ATXN1: variants seen among roughly 807,000 people sequenced by gnomAD.
ATXN1 encodes ataxin 1.
ATXN1 carries 8 observed loss-of-function variants against 56.4 expected under a neutral mutation model. The ratio of observed to expected loss-of-function variants is 0.14; its 90% CI spans 0.08 to 0.26. ATXN1 has a LOEUF of 0.26. Ranked by LOEUF, ATXN1 falls within the 10% of genes least tolerant of loss-of-function variation. The pLI is 1.00. For synonymous variants in ATXN1, 514 were observed against 494.6 expected (o/e 1.04, Z -0.52); for missense variants, 987 against 1,106.5 (o/e 0.89, Z 1.53).
chr6:16,574,072 G>A (rs895074368), intron 4 of ATXN1, among the ~76,000 whole-genome samples: 15 of 152,200 alleles, frequency 9.9e-5, no homozygotes, highest in African/African-American at 3.6e-4. Context: ...TGTCACCCAG[G>A]CTGGAGTGCA....
In ATXN1 at chr6:16,328,134, C is replaced by A; in HGVS notation, c.177G>T (p.Arg59Ser). The A allele has an allele frequency of 1.3e-6, 2 of 1,582,714 alleles. No homozygotes were observed. The highest frequency in any genetic ancestry group is 1.2e-5 in the South Asian group (1 of 86,684). ...CCACCGAGGTCCCTGCCGGCCCATG[C>A]CTCCCGCCCCCGTGGCCCCGGCCAC... ...NPGGRGHGGGRHGPAGTSVEL... is the reference protein window; with the variant it reads ...NPGGRGHGGGSHGPAGTSVEL... Residue 59 changes from arginine to serine, a missense_variant, in exon 7 of 8, where the codon AGG (arginine) becomes AGT (serine). Arg to Ser is a moderately radical substitution (Grantham distance 110, BLOSUM62 -1). Around this residue, in one of 3 missense-constraint regions of ATXN1, gnomAD observed 723 missense variants for 791.7 expected, o/e 0.91. Coordinates refer to ENST00000436367, the MANE Select transcript of ATXN1 (RefSeq NM_001128164.2). The surrounding 1 kb of genome is among the most constrained non-coding windows in gnomAD (Gnocchi z 6.2).
chr6:16,465,051 T>TA (rs1760075608), intron 6 of ATXN1, among the ~76,000 whole-genome samples: 1 of 152,154 alleles, frequency 6.6e-6, no homozygotes. Context: ...AACTGTTCTA[T>TA]AAAAAAGCCT....
At chr6:16,341,614 G>C (rs1432279692) in intron 6 of ATXN1, among the ~76,000 whole-genome samples, 1 of 151,008 alleles carries the variant, frequency 6.6e-6, no homozygotes, top group Non-Finnish European at 1.5e-5. Flanking sequence ...CACCTCCCGG[G>C]TTCACACCAT....
chr6:16,440,640 T>TAAAA (rs558514541), intron 6 of ATXN1, among the ~76,000 whole-genome samples: 1 of 30,074 alleles, frequency 3.3e-5, no homozygotes, highest in African/African-American at 1.8e-4. Context: ...GACCCTGTCT[T>TAAAA]AAAAAAAAAA....
At chr6:16,524,652 G>A (rs1193844238) in intron 4 of ATXN1, among the ~76,000 whole-genome samples, 3 of 152,210 alleles carry the variant, frequency 2.0e-5, no homozygotes, top group African/African-American at 7.2e-5. Context: ...GTACACAGAA[G>A]AGACTGAATA....
rs1244455648 is a variant in ATXN1 at position 16,328,759 on chromosome 6, T to C, written c.-160-289A>G. Among the ~76,000 whole-genome samples, 1 of 151,792 alleles carries C rather than the reference T, an allele frequency of 6.6e-6. No homozygotes were observed. The highest frequency in any genetic ancestry group is 2.4e-5 in the African/African-American group (1 of 41,284). On this transcript the variant is annotated intron_variant, in intron 6 of 7. Transcript: ENST00000436367. This position sits in a 1 kb window ranked among gnomAD's most constrained non-coding sequence, Gnocchi z 6.2. ...CCCCGTCTCTACCAAAAATAAAAAATAAAAAACAAATTTAGCCTGGTGTAA... is the reference window on the plus strand; with the variant it reads ...CCCCGTCTCTACCAAAAATAAAAAACAAAAAACAAATTTAGCCTGGTGTAA...
intron 4 of ATXN1, among the ~76,000 whole-genome samples, chr6:16,540,411 C>T (rs1329403142): frequency 6.6e-6 from 1 of 152,082 alleles, no homozygotes; most frequent in Non-Finnish European, 1.5e-5. Flanking sequence ...CGGGTTTCAC[C>T]ATGTTGGCCA....
intron 2 of ATXN1, among the ~76,000 whole-genome samples, chr6:16,697,630 C>T (rs1259367850): frequency 1.9e-5 from 2 of 107,720 alleles, no homozygotes; most frequent in Non-Finnish European, 3.4e-5. Flanking sequence ...CATATAAAAA[C>T]AGCACTCTCA....
chr6:16,341,085 C>A (rs956354470), intron 6 of ATXN1, among the ~76,000 whole-genome samples: 6 of 152,240 alleles, frequency 3.9e-5, no homozygotes, highest in African/African-American at 1.2e-4. Context: ...TACTAGAAAT[C>A]TACCATAGAA....
chr6:16,492,206 T>C (rs1349186719), intron 5 of ATXN1, among the ~76,000 whole-genome samples: 1 of 150,662 alleles, frequency 6.6e-6, no homozygotes, highest in Non-Finnish European at 1.5e-5. Flanking sequence ...GGTATTGTTA[T>C]AGGTGGGAAT....
chr6:16,559,135 C>T (rs974465702), intron 4 of ATXN1, among the ~76,000 whole-genome samples: 12 of 152,102 alleles, frequency 7.9e-5, no homozygotes, highest in African/African-American at 2.9e-4. Flanking sequence ...TTAAAAACAT[C>T]GTCTGTGGAG....
intron 6 of ATXN1, among the ~76,000 whole-genome samples, chr6:16,358,843 G>A (rs1284608322): frequency 3.3e-5 from 5 of 152,228 alleles, no homozygotes. Flanking sequence ...TGCCTTCCCA[G>A]GTGCAGCTGC....
intron 2 of ATXN1, among the ~76,000 whole-genome samples, chr6:16,693,341 GA>G (rs922306179): frequency 6.6e-6 from 1 of 152,178 alleles, no homozygotes; most frequent in Non-Finnish European, 1.5e-5. Context: ...GTAAAAATGG[GA>G]TACCAGCGGC....
chr6:16,640,416 G>A (rs1199789864), intron 3 of ATXN1, among the ~76,000 whole-genome samples: 3 of 152,256 alleles, frequency 2.0e-5, no homozygotes, highest in Non-Finnish European at 4.4e-5. Context: ...AGGCACGGGG[G>A]CTCACGCCTG....
intron 3 of ATXN1, among the ~76,000 whole-genome samples, chr6:16,606,595 C>A (rs371590312): frequency 6.6e-6 from 1 of 151,714 alleles, no homozygotes. Context: ...GTGGTGCGAT[C>A]TCGGCTCACT....
At chr6:16,455,079 G>T (rs780631368) in intron 6 of ATXN1, among the ~76,000 whole-genome samples, 4 of 152,170 alleles carry the variant, frequency 2.6e-5, no homozygotes, top group Non-Finnish European at 5.9e-5. Flanking sequence ...ATTTACTGAG[G>T]ATCTGAAGTG....
intron 5 of ATXN1, among the ~76,000 whole-genome samples, chr6:16,498,000 A>G (rs1760811247): frequency 6.6e-6 from 1 of 152,232 alleles, no homozygotes; most frequent in Non-Finnish European, 1.5e-5. Context: ...TAAAATTCAC[A>G]TAAAACAAAA....
chr6:16,357,929 G>A (rs1235065705), intron 6 of ATXN1, among the ~76,000 whole-genome samples: 2 of 152,160 alleles, frequency 1.3e-5, no homozygotes, highest in African/African-American at 2.4e-5. Flanking sequence ...TTAGCTTTAC[G>A]TGGCTCTAAG....
chr6:16,667,821 T>C (rs1758457497), intron 2 of ATXN1, among the ~76,000 whole-genome samples: 1 of 152,236 alleles, frequency 6.6e-6, no homozygotes, highest in Non-Finnish European at 1.5e-5. Context: ...GCTTTCCTTC[T>C]GCTAACCCAC....
Sources: allele counts gnomAD v4.1 joint callset (sites outside exome capture counted in the v4.1 genomes callset), GRCh38; gene constraint gnomAD v4.1.1; regional missense constraint gnomAD v4.1.1; non-coding constraint Gnocchi (gnomAD v3.1); transcripts MANE v1.5; gene names NCBI Gene and HGNC (gene_info 2026-07-23, HGNC 2026-07-21).